Variants in NAT9 observed in about 807,000 individuals in gnomAD.
The protein encoded by NAT9 is N-acetyltransferase 9, also known as alpha/beta-tubulin-N-acetyltransferase 9.
Under a neutral mutation model 24.0 loss-of-function variants are expected in NAT9, and 18 were observed. The observed-to-expected ratio is 0.75, with a 90% confidence interval of 0.52 to 1.11. The LOEUF (loss-of-function observed/expected upper bound fraction) is 1.11, where lower values mean the gene tolerates loss of function less well. Among genes scored for constraint, NAT9 ranks in the 50% most tolerant of loss-of-function variants. The pLI, the probability that NAT9 is intolerant of heterozygous loss-of-function variation, is 0.00. For synonymous variants in NAT9, 104 were observed against 102.3 expected, an observed-to-expected ratio of 1.02 and a Z score of -0.10; for missense variants, 254 against 258.6, an observed-to-expected ratio of 0.98 and a Z score of 0.12.
In NAT9 at chr17:74,772,260, T is replaced by TAA. The variant is rs1389033459; in HGVS notation, c.351_352insTT (p.Lys118LeufsTer17). 6.2e-7 allele frequency: 1 copy of TAA among 1,614,042 alleles called. No homozygotes were observed. The stretch of plus-strand genomic sequence containing the variant: ...AGAACGGCCTCAGTGCCAAGGCCCT[T>TAA]ACCCCTGCAGCTGGGCTCTAGGAGA... On this transcript the variant is annotated frameshift_variant, in exon 5 of 7. Coordinates refer to ENST00000357814, the MANE Select transcript of NAT9 (RefSeq NM_015654.5). LOFTEE classifies it high-confidence loss of function.
rs767388553 is a variant in NAT9 at position 74,771,862 on chromosome 17, C to T, written c.490-4G>A. Reference sequence around the variant, plus strand: ...GAAAAACACTGCTCGTAGCCACCTACGTGAGCCAGAGAGAACAAAGCCTGC... The same window carrying T: ...GAAAAACACTGCTCGTAGCCACCTATGTGAGCCAGAGAGAACAAAGCCTGC... On this transcript the variant is annotated splice_region_variant and splice_polypyrimidine_tract_variant and intron_variant, in intron 6 of 6. Transcript: ENST00000357814. 4 of 1,614,124 alleles carry T rather than the reference C, an allele frequency of 2.5e-6. No homozygotes were observed. The highest frequency in any genetic ancestry group is 2.2e-5 in the East Asian group (1 of 44,904).
At chr17:74,775,520 A>T in intron 2 of NAT9, 102 bp downstream of exon 2, 1 of 1,019,216 alleles carries the variant, frequency 9.8e-7, no homozygotes. Flanking sequence ...ATTATTTCTC[A>T]CAACCAATGT....
intron 2 of NAT9, among the ~76,000 whole-genome samples, chr17:74,775,150 C>T (rs2035839930): frequency 6.6e-6 from 1 of 151,778 alleles, no homozygotes. Context: ...CCACCGCACC[C>T]GGCCGTTTTT....
intron 3 of NAT9, 53 bp downstream of exon 3, chr17:74,773,523 G>T: frequency 6.8e-7 from 1 of 1,464,212 alleles, no homozygotes; most frequent in Non-Finnish European, 9.6e-7. Flanking sequence ...GACTGACTGT[G>T]GAGTCAGCCC....
At position 74,771,524 on chromosome 17, in the gene NAT9, C is replaced by T; in HGVS notation, c.*200G>A. 1.2e-6 allele frequency: 1 copy of T among 800,874 alleles called. No individual in the cohort carries two copies. The highest frequency in any genetic ancestry group is 1.9e-6 in the Non-Finnish European group (1 of 522,474). 49.6% of individuals were successfully genotyped at this position (800,874 alleles called of 1,614,324 possible). On this transcript the variant is annotated 3_prime_UTR_variant, in exon 7 of 7. Coordinates refer to ENST00000357814, the MANE Select transcript of NAT9 (RefSeq NM_015654.5). ...GTTTGGCCGGGAGGGGAGAAGGGAA[C>T]TGGCCCTGGCCCTGGAGTCTGCTCA...
intron 1 of NAT9, chr17:74,776,038 C>T (rs1465656581): frequency 4.6e-6 from 1 of 219,412 alleles, no homozygotes; most frequent in East Asian, 1.0e-4. Flanking sequence ...TTACTTGCCC[C>T]AGTCCAGGGA....
chr17:74,773,869 A>C (rs937438384), intron 2 of NAT9, 181 bp from the exon 3 acceptor site: 5 of 575,788 alleles, frequency 8.7e-6, no homozygotes, highest in Non-Finnish European at 1.6e-5. Context: ...GTCTTACACA[A>C]GAACAGCAGG....
chr17:74,772,634 A>G, intron 4 of NAT9: 1 of 1,289,352 alleles, frequency 7.8e-7, no homozygotes. Context: ...GCCCACCCCA[A>G]CTATGGGACT....
At chr17:74,772,172 C>T in intron 5 of NAT9, 46 bp downstream of exon 5, 1 of 1,614,144 alleles carries the variant, frequency 6.2e-7, no homozygotes, top group Non-Finnish European at 8.5e-7. Flanking sequence ...ACAAAGTTCA[C>T]CTGGGGCCTG....
intron 6 of NAT9, 39 bp from the exon 7 acceptor site, chr17:74,771,897 G>C (rs747205001): frequency 6.2e-7 from 1 of 1,614,206 alleles, no homozygotes; most frequent in Admixed American, 1.7e-5. Context: ...CTAAGTTACA[G>C]TATTACCACC....
intron 2 of NAT9, chr17:74,775,373 G>T: frequency 2.7e-6 from 1 of 368,760 alleles, no homozygotes; most frequent in Non-Finnish European, 4.9e-6. Flanking sequence ...TTTTTTTGTA[G>T]AGACAAGGTC....
intron 2 of NAT9, 144 bp downstream of exon 2, chr17:74,775,478 G>T: frequency 1.5e-6 from 1 of 651,132 alleles, no homozygotes; most frequent in South Asian, 2.9e-5. Context: ...CGTGAGCCAC[G>T]GCACCCAGCC....
intron 3 of NAT9, chr17:74,773,298 G>A: frequency 1.7e-6 from 1 of 590,774 alleles, no homozygotes; most frequent in South Asian, 2.1e-5. Flanking sequence ...GCTGTGGTGA[G>A]GGACATGAGG....
chr17:74,773,870 G>A, intron 2 of NAT9, 182 bp from the exon 3 acceptor site: 1 of 572,774 alleles, frequency 1.7e-6, no homozygotes, highest in Non-Finnish European at 3.2e-6. Context: ...TCTTACACAA[G>A]AACAGCAGGA....
In NAT9 at chr17:74,775,422, C is replaced by G. The variant is rs1041691962; in HGVS notation, c.77+200G>C. ...CAAGCTGGTCTCGAACTGCTGGGCT[C>G]AAGCAATCCTCCTGCCACAGCCTCC... On this transcript the variant is annotated intron_variant, in intron 2 of 6. Transcript: ENST00000357814. The G allele has an allele frequency of 4.6e-5, 22 of 474,694 alleles. No individual in the cohort carries two copies. In the Admixed American group the frequency reaches 5.5e-4, roughly 12 times the overall value. 29.4% of individuals were successfully genotyped at this position (474,694 alleles called of 1,614,324 possible). A position where few individuals can be genotyped will look rare whatever the true frequency, so the allele number is the denominator to read the frequency against.
At chr17:74,772,165 A>G (rs2035301011) in intron 5 of NAT9, 53 bp downstream of exon 5, 1 of 1,613,964 alleles carries the variant, frequency 6.2e-7, no homozygotes, top group Non-Finnish European at 8.5e-7. Context: ...CACCTGAACA[A>G]AGTTCACCTG....
chr17:74,772,514 TAGTC>T lies in NAT9; in HGVS notation c.335-241_335-238del, dbSNP rs2035368459. ...GAGTCAGTATGCTGCCTCATGGGGA[TAGTC>T]AGTAGCCACTTGGGGGAAACTGAGG... On this transcript the variant is annotated intron_variant, in intron 4 of 6. Transcript: ENST00000357814. 6.3e-6 allele frequency: 9 copies of T among 1,418,676 alleles called. No homozygotes were observed. The South Asian group carries it at 1.4e-4, about 22-fold the overall frequency. The allele number at this position is 1,418,676 out of a possible 1,614,324, so 87.9% of individuals were successfully genotyped here.
chr17:74,772,495 G>C, intron 4 of NAT9: 1 of 1,427,660 alleles, frequency 7.0e-7, no homozygotes. Flanking sequence ...CATGGAGTCA[G>C]TATGCTGCCT....
At chr17:74,772,589 A>G in intron 4 of NAT9, 1 of 1,401,466 alleles carries the variant, frequency 7.1e-7, no homozygotes, top group South Asian at 1.6e-5. Flanking sequence ...GTAATATGAC[A>G]ACATGCTCCA....
Sources: gnomAD v4.1 joint callset for allele counts (sites outside exome capture counted in the v4.1 genomes callset) on GRCh38, gnomAD v4.1.1 for gene constraint, MANE v1.5 for transcripts, NCBI Gene and HGNC (gene_info 2026-07-23, HGNC 2026-07-21) for gene names.